JCAD: variants seen among roughly 807,000 people sequenced by gnomAD.
JCAD encodes junctional cadherin 5-associated protein.
A neutral mutation model predicts 98.0 loss-of-function variants in JCAD; 40 were observed. That is an observed-to-expected ratio of 0.41 (90% CI 0.32 to 0.53). JCAD has a LOEUF of 0.53. Ranked by LOEUF, JCAD falls within the 20% of genes least tolerant of loss-of-function variation. The probability of loss-of-function intolerance (pLI) is 0.31; values close to 1 mark genes in which losing one functional copy is unlikely to be tolerated. For missense variants in JCAD, 1,705 were observed against 1,738.1 expected (o/e 0.98, Z 0.34); for synonymous variants, 691 against 682.3 (o/e 1.01, Z -0.20).
chr10:30,078,171 A>G (rs1384242752), intron 1 of JCAD, among the ~76,000 whole-genome samples: 1 of 152,200 alleles, frequency 6.6e-6, no homozygotes, highest in Non-Finnish European at 1.5e-5. Context: ...TAATTTAGTC[A>G]CTAAAGATAG....
intron 1 of JCAD, among the ~76,000 whole-genome samples, chr10:30,106,631 G>C (rs1838587984): frequency 6.6e-6 from 1 of 152,192 alleles, no homozygotes; most frequent in African/African-American, 2.4e-5. Context: ...CTCCTGAGTA[G>C]CTGGGGTTAC....
intron 1 of JCAD, among the ~76,000 whole-genome samples, chr10:30,105,707 G>A (rs545896083): frequency 6.6e-6 from 1 of 152,194 alleles, no homozygotes; most frequent in South Asian, 2.1e-4. Flanking sequence ...ATTAGTTTCA[G>A]AAAATTAAGA....
intron 1 of JCAD, among the ~76,000 whole-genome samples, chr10:30,114,482 T>C (rs1486326149): frequency 6.6e-6 from 1 of 151,556 alleles, no homozygotes; most frequent in African/African-American, 2.4e-5. Context: ...GAGTTATGGA[T>C]TGGCAAACTA....
chr10:30,051,075 A>G (rs561469698), intron 1 of JCAD, among the ~76,000 whole-genome samples: 1 of 152,328 alleles, frequency 6.6e-6, no homozygotes, highest in Admixed American at 6.5e-5. Flanking sequence ...TCACTCATCT[A>G]TATTTTCTTC....
At chr10:30,021,622 T>C (rs1836661144) in intron 3 of JCAD, among the ~76,000 whole-genome samples, 1 of 152,256 alleles carries the variant, frequency 6.6e-6, no homozygotes, top group Non-Finnish European at 1.5e-5. Context: ...ATAAAAATTA[T>C]TGAGACATTT....
intron 1 of JCAD, among the ~76,000 whole-genome samples, chr10:30,056,304 T>C (rs1400874971): frequency 6.6e-6 from 1 of 152,204 alleles, no homozygotes; most frequent in African/African-American, 2.4e-5. Context: ...TATCAAAGTG[T>C]TTGACTTAAA....
At position 30,027,136 on chromosome 10, in the gene JCAD, T is replaced by C. The variant is rs750425628; in HGVS notation, c.3012A>G (p.Lys1004=). 8.1e-6 allele frequency: 13 copies of C among 1,614,034 alleles called. No homozygotes were observed. The South Asian group carries it at 1.1e-4, about 14-fold the overall frequency. Reference sequence around the variant, plus strand: ...TCACAGAGCTGAAAGCACTGGTGATTTTCGGACTTTCCTGGGGCTCCCTAG... The same window carrying C: ...TCACAGAGCTGAAAGCACTGGTGATCTTCGGACTTTCCTGGGGCTCCCTAG... The part of the protein sequence containing the change: ...AEPREPQESP[K]ITSAFSSVKP... Residue 1004 remains lysine (K), a synonymous_variant, in exon 3 of 4, where the codon AAA becomes AAG. Coordinates refer to ENST00000375377, the MANE Select transcript of JCAD (RefSeq NM_020848.4).
chr10:30,081,705 T>A (rs1010767033), intron 1 of JCAD, among the ~76,000 whole-genome samples: 1 of 152,160 alleles, frequency 6.6e-6, no homozygotes, highest in African/African-American at 2.4e-5. Context: ...GTGCTGGGAT[T>A]ACAGGTTTGA....
At position 30,025,910 on chromosome 10, in the gene JCAD, C is replaced by A. The variant is rs933063460; in HGVS notation, c.4045+193G>T. 1.9e-5 allele frequency: 13 copies of A among 677,972 alleles called. No individual in the cohort carries two copies. The Admixed American group carries it at 3.8e-4, about 20-fold the overall frequency. 42.0% of individuals were successfully genotyped at this position (677,972 alleles called of 1,614,324 possible). On this transcript the variant is annotated intron_variant, in intron 3 of 3. Coordinates refer to ENST00000375377, the MANE Select transcript of JCAD (RefSeq NM_020848.4). The stretch of plus-strand genomic sequence containing the variant: ...TATCTCAAAAAAATAAAATATACTG[C>A]AAGATCTTGAATTTTAAAGATGGCT...
chr10:30,019,052 T>G (rs1214160480), intron 3 of JCAD, among the ~76,000 whole-genome samples: 1 of 152,016 alleles, frequency 6.6e-6, no homozygotes, highest in Non-Finnish European at 1.5e-5. Flanking sequence ...CATGACTGGA[T>G]GTATGGATAA....
intron 3 of JCAD, among the ~76,000 whole-genome samples, chr10:30,021,491 C>A (rs998842895): frequency 6.6e-6 from 1 of 152,140 alleles, no homozygotes; most frequent in African/African-American, 2.4e-5. Flanking sequence ...CATGCCCAAC[C>A]ATCATTATTT....
chr10:30,013,668 C>G lies in JCAD; in HGVS notation c.*4215G>C, dbSNP rs1473974629. 6.6e-6 allele frequency: 1 copy of G among 152,194 alleles called. No homozygotes were observed. The highest frequency in any genetic ancestry group is 1.5e-5 in the Non-Finnish European group (1 of 68,058). 9.4% of individuals were successfully genotyped at this position (152,194 alleles called of 1,614,324 possible). A position where few individuals can be genotyped will look rare whatever the true frequency, so the allele number is the denominator to read the frequency against. On this transcript the variant is annotated 3_prime_UTR_variant, in exon 4 of 4. Transcript: ENST00000375377. ...TGGTCCTTTGGCTTGGTTGTAAGCC[C>G]TAGTAGGGCCTGTCTTTCATACGGA...
intron 2 of JCAD, among the ~76,000 whole-genome samples, chr10:30,033,946 G>A (rs1198919628): frequency 1.3e-5 from 2 of 152,256 alleles, no homozygotes; most frequent in East Asian, 1.9e-4. Flanking sequence ...ATCCAAGGCC[G>A]GGTGCAGTGG....
chr10:30,028,339 T>C lies in JCAD; in HGVS notation c.1809A>G (p.Leu603=). 1 of 1,614,252 alleles carries C rather than the reference T, an allele frequency of 6.2e-7. No individual in the cohort carries two copies. Among genetic ancestry groups the C allele is most frequent in the East Asian group, 2.2e-5 (1 of 44,884 alleles). Reference sequence around the variant, plus strand: ...CATTCTTTTGATCAGCACTGGGCTTTAAGTCATTGTTGTCCATATCTCTAT... The same window carrying C: ...CATTCTTTTGATCAGCACTGGGCTTCAAGTCATTGTTGTCCATATCTCTAT... ...LPDRDMDNND[L]KPSADQKNGS... The change falls in exon 3 of 4, where the codon TTA becomes TTG. Residue 603 remains leucine, a synonymous_variant. Transcript: ENST00000375377.
At chr10:30,059,646 G>GCCCCGCCCACCGCCCGGGCCCGCCCCCC (rs1837664609), upstream of JCAD, 1 of 152,284 alleles carries the variant, frequency 6.6e-6, no homozygotes, top group African/African-American at 2.4e-5. This position sits in a 1 kb window ranked among gnomAD's most constrained non-coding sequence, Gnocchi z 5.0. Flanking sequence ...GCCCGGGGCT[G>GCCCCGCCCACCGCCCGGGCCCGCCCCCC]CCTCCTCTGC....
intron 1 of JCAD, among the ~76,000 whole-genome samples, chr10:30,110,157 T>TGGA (rs138288124): frequency 0.079 from 12,032 of 151,762 alleles, 697 homozygotes; most frequent in African/African-American, 0.16. Flanking sequence ...AGCTGATGTG[T>TGGA]GCAGCTGATG....
At position 30,108,455 on chromosome 10, in the gene JCAD, C is replaced by G. The variant is rs576598887; in HGVS notation, n.128+6912G>C. On this transcript the variant is annotated intron_variant and non_coding_transcript_variant, in intron 1 of 2. Transcript: ENST00000465712. The stretch of plus-strand genomic sequence containing the variant: ...ATCCACATAGCCTTGAGTTTGGGAA[C>G]ACTGCTTTGCAATGGGGCGACGAGA... 2.0e-5 allele frequency among the ~76,000 whole-genome samples: 3 copies of G among 152,260 alleles called. No homozygotes were observed. The East Asian group carries it at 5.8e-4, about 29-fold the overall frequency.
Position 30,029,503 on chromosome 10 carries a change from AATG to A in JCAD, c.642_644del (p.Ile215del). The A allele has an allele frequency of 6.2e-7, 1 of 1,614,194 alleles. No individual in the cohort carries two copies. Among genetic ancestry groups the A allele is most frequent in the Non-Finnish European group, 8.5e-7 (1 of 1,180,036 alleles). On this transcript the variant is annotated inframe_deletion, in exon 3 of 4. Transcript: ENST00000375377. ...GAGAATTCAACACATGTTCTCCTTGAATGAATGGGTACAGGTCTTGAAACAGTC... is the reference window on the plus strand; with the variant it reads ...GAGAATTCAACACATGTTCTCCTTGAAATGGGTACAGGTCTTGAAACAGTC...
In JCAD at chr10:30,059,539, G is replaced by A. The variant is rs953967772; in HGVS notation, c.-117C>T. The A allele has an allele frequency of 2.0e-5, 3 of 150,278 alleles. No homozygotes were observed. The highest frequency in any genetic ancestry group is 3.0e-5 in the Non-Finnish European group (2 of 67,136). The allele number at this position is 150,278 out of a possible 1,614,324, so 9.3% of individuals were successfully genotyped here. ...ACCGCCGCCGCTCCGGCCGGCCGGG[G>A]ACCAGCGCGACCCGCCCCGCCTGCA... On this transcript the variant is annotated 5_prime_UTR_variant, in exon 1 of 4. Coordinates refer to ENST00000375377, the MANE Select transcript of JCAD (RefSeq NM_020848.4). The surrounding 1 kb of genome is among the most constrained non-coding windows in gnomAD (Gnocchi z 5.0).
Sources: gnomAD v4.1 joint callset for allele counts (sites outside exome capture counted in the v4.1 genomes callset) on GRCh38, gnomAD v4.1.1 for gene constraint, Gnocchi (gnomAD v3.1) non-coding constraint, MANE v1.5 for transcripts, NCBI Gene and HGNC (gene_info 2026-07-23, HGNC 2026-07-21) for gene names.